Variants in MINDY4 observed in about 807,000 individuals in gnomAD.
MINDY4 encodes MINDY lysine 48 deubiquitinase 4, also known as probable ubiquitin carboxyl-terminal hydrolase MINDY-4.
A neutral mutation model predicts 87.0 loss-of-function variants in MINDY4; 68 were observed. That is an observed-to-expected ratio of 0.78 (90% CI 0.64 to 0.96). The LOEUF is 0.96. Among genes scored for constraint, MINDY4 ranks in the 40% least tolerant of loss-of-function variants. The pLI, the probability that MINDY4 is intolerant of heterozygous loss-of-function variation, is 0.00. For synonymous variants in MINDY4, 379 were observed against 363.2 expected (o/e 1.04, Z -0.50); for missense variants, 919 against 928.2 (o/e 0.99, Z 0.13).
intron 17 of MINDY4, among the ~76,000 whole-genome samples, chr7:30,886,874 C>CA (rs1790646365): frequency 1.3e-5 from 2 of 152,022 alleles, no homozygotes; most frequent in South Asian, 4.1e-4. Context: ...ACCATCTCAG[C>CA]AAAAAAACAG....
chr7:30,826,195 C>T (rs972267845), intron 5 of MINDY4, among the ~76,000 whole-genome samples: 2 of 152,128 alleles, frequency 1.3e-5, no homozygotes, highest in African/African-American at 2.4e-5. Flanking sequence ...TCTCTTTTGC[C>T]GTGTAAAGTA....
rs115006436 is a variant in MINDY4 at position 30,879,437 on chromosome 7, C to T, written c.1972-2744C>T. Among the ~76,000 whole-genome samples the T allele has an allele frequency of 9.6e-3, 1,466 of 152,314 alleles. 21 individuals carry two copies. Among genetic ancestry groups the T allele is most frequent in the African/African-American group, 0.033 (1,380 of 41,568 alleles). ...TGTCTGCTGTCTGAGCCATCCAGTCCGTGGTATTTGTTATGGCAGCCCGAG... is the reference window on the plus strand; with the variant it reads ...TGTCTGCTGTCTGAGCCATCCAGTCTGTGGTATTTGTTATGGCAGCCCGAG... On this transcript the variant is annotated intron_variant, in intron 15 of 17. Transcript: ENST00000265299.
chr7:30,776,967 A>ATTTGTTTTCTTTTCTTT (rs1554276882), intron 1 of MINDY4, among the ~76,000 whole-genome samples: 1 of 149,734 alleles, frequency 6.7e-6, no homozygotes, highest in Non-Finnish European at 1.5e-5. Context: ...CCCCAATGGT[A>ATTTGTTTTCTTTTCTTT]TTTCTTTTCT....
chr7:30,870,345 G>A (rs1395690850), intron 13 of MINDY4, among the ~76,000 whole-genome samples: 1 of 152,216 alleles, frequency 6.6e-6, no homozygotes, highest in Non-Finnish European at 1.5e-5. Flanking sequence ...CTCTTCAGAA[G>A]ATGCTTGTAT....
At chr7:30,866,066 C>T (rs550441196) in intron 13 of MINDY4, among the ~76,000 whole-genome samples, 4 of 152,238 alleles carry the variant, frequency 2.6e-5, no homozygotes, top group Non-Finnish European at 5.9e-5. Context: ...TGGCAAGTCA[C>T]AGCCACTGAG....
intron 15 of MINDY4, among the ~76,000 whole-genome samples, chr7:30,881,295 G>T (rs1051735894): frequency 2.0e-5 from 3 of 152,160 alleles, no homozygotes; most frequent in Admixed American, 2.0e-4. Flanking sequence ...TGCTAGCAAC[G>T]TGCTGAGGGC....
intron 13 of MINDY4, among the ~76,000 whole-genome samples, chr7:30,871,436 T>G (rs946845520): frequency 2.0e-5 from 3 of 152,170 alleles, no homozygotes; most frequent in Non-Finnish European, 4.4e-5. Context: ...GCAGGCTTCC[T>G]AGCAGGACAG....
intron 17 of MINDY4, among the ~76,000 whole-genome samples, chr7:30,884,297 C>T (rs1441405138): frequency 3.3e-5 from 5 of 152,180 alleles, no homozygotes; most frequent in Admixed American, 6.5e-5. Flanking sequence ...TCCGTCCGTC[C>T]GTCCATCCGT....
At chr7:30,873,754 G>T (rs1325169952) in intron 14 of MINDY4, among the ~76,000 whole-genome samples, 3 of 152,306 alleles carry the variant, frequency 2.0e-5, no homozygotes, top group African/African-American at 7.2e-5. Flanking sequence ...ACAGATCAGG[G>T]AGCAGGGGCT....
chr7:30,861,685 G>T (rs1789771668), intron 13 of MINDY4, among the ~76,000 whole-genome samples: 1 of 152,374 alleles, frequency 6.6e-6, no homozygotes, highest in Non-Finnish European at 1.5e-5. Context: ...CACAGCTCCT[G>T]GTGGGTACAA....
At chr7:30,888,558 T>G (rs1790702763) in intron 17 of MINDY4, among the ~76,000 whole-genome samples, 1 of 152,234 alleles carries the variant, frequency 6.6e-6, no homozygotes. Context: ...CTCCCCTTTC[T>G]GTGCCTGTCC....
chr7:30,794,702 G>A (rs1584246599), intron 5 of MINDY4, among the ~76,000 whole-genome samples: 1 of 152,248 alleles, frequency 6.6e-6, no homozygotes, highest in Middle Eastern at 3.4e-3. Flanking sequence ...TATGTCACCT[G>A]GACTCCCATT....
At chr7:30,793,333 T>A (rs1258467497) in intron 5 of MINDY4, among the ~76,000 whole-genome samples, 1 of 151,738 alleles carries the variant, frequency 6.6e-6, no homozygotes, top group Non-Finnish European at 1.5e-5. Context: ...ATTTTCTTTT[T>A]ACTCGAATAA....
intron 5 of MINDY4, among the ~76,000 whole-genome samples, chr7:30,815,678 G>A (rs146242060): frequency 5.3e-4 from 80 of 152,280 alleles, no homozygotes; most frequent in East Asian, 9.7e-4. Flanking sequence ...CTTTTCCTTC[G>A]AGAAGATATT....
chr7:30,867,237 A>G (rs1789965835), intron 13 of MINDY4, among the ~76,000 whole-genome samples: 1 of 152,204 alleles, frequency 6.6e-6, no homozygotes, highest in African/African-American at 2.4e-5. Context: ...CGCTGTATCC[A>G]AATCCTCTTC....
At chr7:30,799,765 G>A (rs1006748318) in intron 5 of MINDY4, among the ~76,000 whole-genome samples, 1 of 152,206 alleles carries the variant, frequency 6.6e-6, no homozygotes, top group Non-Finnish European at 1.5e-5. Context: ...TGCCCTAGGG[G>A]CCAAGCCTGA....
At chr7:30,772,536 T>C (rs1786675223) in intron 1 of MINDY4, among the ~76,000 whole-genome samples, 1 of 152,206 alleles carries the variant, frequency 6.6e-6, no homozygotes, top group Non-Finnish European at 1.5e-5. Context: ...CTTCCAAGCA[T>C]TGGATCTGAC....
At chr7:30,802,403 G>A (rs1461462418) in intron 5 of MINDY4, among the ~76,000 whole-genome samples, 4 of 152,116 alleles carry the variant, frequency 2.6e-5, no homozygotes, top group Non-Finnish European at 4.4e-5. Flanking sequence ...GGTTAGCAGA[G>A]TTTGGCTGCT....
intron 13 of MINDY4, among the ~76,000 whole-genome samples, chr7:30,870,646 G>T (rs1562561520): frequency 6.6e-6 from 1 of 152,248 alleles, no homozygotes; most frequent in Non-Finnish European, 1.5e-5. Context: ...TGTGGAGCTG[G>T]AATTGCTAAA....
Sources: allele counts gnomAD v4.1 joint callset (sites outside exome capture counted in the v4.1 genomes callset), GRCh38; gene constraint gnomAD v4.1.1; transcripts MANE v1.5; gene names NCBI Gene and HGNC (gene_info 2026-07-23, HGNC 2026-07-21).